SPATS2L: variants seen among roughly 807,000 people sequenced by gnomAD.
The protein encoded by SPATS2L is spermatogenesis associated serine rich 2 like.
Under a neutral mutation model 59.6 loss-of-function variants are expected in SPATS2L, and 30 were observed. The ratio of observed to expected loss-of-function variants is 0.50; its 90% CI spans 0.38 to 0.68. The LOEUF (loss-of-function observed/expected upper bound fraction) is 0.68. Ranked by LOEUF, SPATS2L falls within the 30% of genes least tolerant of loss-of-function variation. The pLI is 0.00. For synonymous variants in SPATS2L, 252 were observed against 263.5 expected (o/e 0.96, Z 0.42); for missense variants, 615 against 700.0 (o/e 0.88, Z 1.37).
chr2:200,352,571 G>A (rs1179223332), intron 2 of SPATS2L, among the ~76,000 whole-genome samples: 1 of 151,688 alleles, frequency 6.6e-6, no homozygotes. Context: ...TAATGGCAGG[G>A]GGCCTTAGCC....
chr2:200,332,481 A>G (rs1310024993), intron 2 of SPATS2L, among the ~76,000 whole-genome samples: 1 of 152,158 alleles, frequency 6.6e-6, no homozygotes, highest in East Asian at 1.9e-4. Flanking sequence ...TGCTGGGCTT[A>G]AGCGATCCTC....
intron 2 of SPATS2L, among the ~76,000 whole-genome samples, 172 bp downstream of exon 2, chr2:200,329,652 C>G (rs904231734): frequency 7.2e-5 from 11 of 152,096 alleles, no homozygotes; most frequent in Non-Finnish European, 1.5e-5. Flanking sequence ...TGAAGTTATT[C>G]CTGATAGGGC....
intron 2 of SPATS2L, among the ~76,000 whole-genome samples, chr2:200,385,096 T>A (rs575840911): frequency 1.3e-5 from 2 of 152,188 alleles, no homozygotes; most frequent in Non-Finnish European, 2.9e-5. Flanking sequence ...TCTTATAGAT[T>A]TAAAAGCTCC....
At chr2:200,353,363 T>C (rs1432676291) in intron 2 of SPATS2L, among the ~76,000 whole-genome samples, 1 of 152,170 alleles carries the variant, frequency 6.6e-6, no homozygotes, top group Middle Eastern at 3.2e-3. Flanking sequence ...TGGTGAAACT[T>C]AAAGGCAGTA....
At chr2:200,347,805 G>A (rs17447165) in intron 2 of SPATS2L, among the ~76,000 whole-genome samples, 15,503 of 152,190 alleles carry the variant, frequency 0.1, 884 homozygotes, top group Non-Finnish European at 0.13. Context: ...GCAAAGTTAC[G>A]TGAACAACAA....
At chr2:200,370,179 C>T (rs2081385895) in intron 2 of SPATS2L, among the ~76,000 whole-genome samples, 1 of 152,160 alleles carries the variant, frequency 6.6e-6, no homozygotes, top group Admixed American at 6.5e-5. Flanking sequence ...AAAGAGAAAA[C>T]ATAAAAGCTC....
At chr2:200,329,293 G>C in intron 1 of SPATS2L, 138 bp from the exon 2 acceptor site, 1 of 708,224 alleles carries the variant, frequency 1.4e-6, no homozygotes, top group Admixed American at 2.2e-5. Context: ...TCACATAGCT[G>C]TTAAGTCATG....
chr2:200,428,599 A>G (rs2083725028), intron 6 of SPATS2L, among the ~76,000 whole-genome samples: 1 of 152,196 alleles, frequency 6.6e-6, no homozygotes, highest in Admixed American at 6.5e-5. Flanking sequence ...TCATCTTCCT[A>G]GTTCTGGCTA....
At chr2:200,475,034 C>G (rs2087404947) in intron 12 of SPATS2L, among the ~76,000 whole-genome samples, 1 of 152,216 alleles carries the variant, frequency 6.6e-6, no homozygotes, top group Non-Finnish European at 1.5e-5. Flanking sequence ...CTGCCTGGAC[C>G]ACTTTCCTGT....
At chr2:200,309,087 C>T in intron 1 of SPATS2L, 1 of 717,908 alleles carries the variant, frequency 1.4e-6, no homozygotes, top group East Asian at 2.7e-5. Flanking sequence ...ACCCGTTTTG[C>T]CATGTAAGTG....
intron 3 of SPATS2L, among the ~76,000 whole-genome samples, chr2:200,400,232 A>G (rs1359178659): frequency 6.6e-6 from 1 of 152,228 alleles, no homozygotes; most frequent in Non-Finnish European, 1.5e-5. Context: ...TAGACAGAAT[A>G]TTTACCTAAG....
At chr2:200,427,093 A>G (rs2083624796) in intron 6 of SPATS2L, among the ~76,000 whole-genome samples, 1 of 152,186 alleles carries the variant, frequency 6.6e-6, no homozygotes, top group Non-Finnish European at 1.5e-5. Flanking sequence ...TGATACCTTT[A>G]TAACTTCCCA....
At chr2:200,453,024 A>T (rs1370159994) in intron 8 of SPATS2L, among the ~76,000 whole-genome samples, 1 of 152,246 alleles carries the variant, frequency 6.6e-6, no homozygotes, top group Non-Finnish European at 1.5e-5. Flanking sequence ...ATAAACAACA[A>T]CAAATAGCCA....
intron 6 of SPATS2L, among the ~76,000 whole-genome samples, chr2:200,419,959 G>T (rs2083241916): frequency 6.6e-6 from 1 of 152,160 alleles, no homozygotes; most frequent in Non-Finnish European, 1.5e-5. Flanking sequence ...CTGGGGTAAT[G>T]AAGGAATAGT....
chr2:200,456,058 A>G (rs575182415), intron 8 of SPATS2L, among the ~76,000 whole-genome samples: 1 of 152,190 alleles, frequency 6.6e-6, no homozygotes, highest in African/African-American at 2.4e-5. Context: ...CTCCACATCC[A>G]CTTCCCACCA....
intron 2 of SPATS2L, among the ~76,000 whole-genome samples, chr2:200,385,984 A>G (rs567571310): frequency 8.5e-5 from 13 of 152,266 alleles, no homozygotes; most frequent in South Asian, 2.1e-4. Flanking sequence ...GAGCCACCGC[A>G]CCCGGCCAAC....
At chr2:200,436,756 C>T (rs985867231) in intron 6 of SPATS2L, among the ~76,000 whole-genome samples, 5 of 152,168 alleles carry the variant, frequency 3.3e-5, no homozygotes, top group East Asian at 3.9e-4. Flanking sequence ...GATCTCTTTA[C>T]GACACTATAC....
chr2:200,430,641 T>C (rs1257803163), intron 6 of SPATS2L, among the ~76,000 whole-genome samples: 1 of 152,104 alleles, frequency 6.6e-6, no homozygotes, highest in African/African-American at 2.4e-5. Context: ...GATTTAAATA[T>C]CTGCATTGCA....
At chr2:200,367,680 C>T (rs764151073) in intron 2 of SPATS2L, among the ~76,000 whole-genome samples, 2 of 146,062 alleles carry the variant, frequency 1.4e-5, no homozygotes, top group Non-Finnish European at 3.0e-5. Context: ...CCCATATTTA[C>T]ATATCCCAGT....
Sources: gnomAD v4.1 joint callset for allele counts (sites outside exome capture counted in the v4.1 genomes callset) on GRCh38, gnomAD v4.1.1 for gene constraint, MANE v1.5 for transcripts, NCBI Gene and HGNC (gene_info 2026-07-23, HGNC 2026-07-21) for gene names.